RAD51B: variants seen among roughly 807,000 people sequenced by gnomAD.
RAD51B encodes the protein RAD51 paralog B.
Under a neutral mutation model 42.2 loss-of-function variants are expected in RAD51B, and 38 were observed. The observed-to-expected ratio is 0.90, with a 90% CI of 0.70 to 1.18. The LOEUF (loss-of-function observed/expected upper bound fraction) is 1.18, where lower values mean the gene tolerates loss of function less well. RAD51B is among the 50% of genes most tolerant of loss of function. RAD51B has a pLI of 0.00. For missense variants in RAD51B, 373 were observed against 400.7 expected, an observed-to-expected ratio of 0.93 and a Z score of 0.59; for synonymous variants, 154 against 145.2, an observed-to-expected ratio of 1.06 and a Z score of -0.43.
At chr14:67,911,848 T>C (rs2043991526) in intron 7 of RAD51B, among the ~76,000 whole-genome samples, 1 of 152,182 alleles carries the variant, frequency 6.6e-6, no homozygotes, top group South Asian at 2.1e-4. Flanking sequence ...AACTAGATAG[T>C]TTTGTACTGG....
At chr14:68,585,495 C>G (rs1249830872) in intron 10 of RAD51B, among the ~76,000 whole-genome samples, 1 of 152,160 alleles carries the variant, frequency 6.6e-6, no homozygotes, top group Non-Finnish European at 1.5e-5. Flanking sequence ...AATAGCCAAA[C>G]AGGCTCCAAG....
chr14:68,501,078 G>A lies in RAD51B; in HGVS notation c.1036+32828G>A, dbSNP rs78671662. ...CTTGCCATGGTTCATGCTGGGGTGT[G>A]GCCAACATGGCAGCATCTCCCCTGC... On this transcript the variant is annotated intron_variant, in intron 10 of 10. Coordinates refer to the RAD51B transcript ENST00000487270. Among the ~76,000 whole-genome samples, 60 of 152,266 alleles carry A rather than the reference G, an allele frequency of 3.9e-4. 1 individual carries two copies. The East Asian group carries it at 0.012, about 29-fold the overall frequency.
At chr14:68,006,040 C>G (rs2140320899) in intron 7 of RAD51B, among the ~76,000 whole-genome samples, 1 of 152,268 alleles carries the variant, frequency 6.6e-6, no homozygotes, top group African/African-American at 2.4e-5. Context: ...AGGAGAACAG[C>G]ACCAAAGTGA....
intron 7 of RAD51B, among the ~76,000 whole-genome samples, chr14:68,278,419 G>A (rs2081263470): frequency 6.6e-6 from 1 of 152,138 alleles, no homozygotes; most frequent in Non-Finnish European, 1.5e-5. Flanking sequence ...CCTACCTCAT[G>A]GTGTTACGAT....
At position 68,158,492 on chromosome 14, in the gene RAD51B, T is replaced by A. The variant is rs1017972023; in HGVS notation, c.757-133392T>A. Among the ~76,000 whole-genome samples the A allele has an allele frequency of 3.3e-5, 5 of 152,242 alleles. No individual in the cohort carries two copies. The South Asian group carries it at 8.3e-4, about 25-fold the overall frequency. On this transcript the variant is annotated intron_variant, in intron 7 of 10. Transcript: ENST00000471583. ...TCTTCTTTAGGTAAGCTGAACCAAC[T>A]AAAGAGTGGCCTTATGTGAATCTAC...
chr14:68,191,213 T>G (rs2079260055), intron 7 of RAD51B, among the ~76,000 whole-genome samples: 1 of 152,154 alleles, frequency 6.6e-6, no homozygotes, highest in Non-Finnish European at 1.5e-5. Flanking sequence ...AAACCCAACT[T>G]CTGTTGCAGG....
At chr14:68,674,283 T>C (rs1436945494) in intron 11 of RAD51B, among the ~76,000 whole-genome samples, 1 of 152,138 alleles carries the variant, frequency 6.6e-6, no homozygotes, top group Non-Finnish European at 1.5e-5. Context: ...TTTACGTATA[T>C]ACTTACATAT....
chr14:67,946,427 G>C (rs1334011377), intron 7 of RAD51B, among the ~76,000 whole-genome samples: 3 of 152,044 alleles, frequency 2.0e-5, no homozygotes, highest in African/African-American at 7.3e-5. Context: ...GGAGTGCAGT[G>C]GTGCAATCTC....
intron 7 of RAD51B, among the ~76,000 whole-genome samples, chr14:68,157,727 AAACT>A (rs1555365626): frequency 6.6e-6 from 1 of 152,226 alleles, no homozygotes; most frequent in Non-Finnish European, 1.5e-5. Context: ...TGGCAATAAC[AAACT>A]ATTATTTTTT....
At chr14:68,659,644 T>TG (rs754455070) in intron 11 of RAD51B, among the ~76,000 whole-genome samples, 2 of 152,126 alleles carry the variant, frequency 1.3e-5, no homozygotes, top group Non-Finnish European at 2.9e-5. Context: ...AGGGTGTCTT[T>TG]GAAAGGAGAT....
intron 5 of RAD51B, among the ~76,000 whole-genome samples, chr14:67,866,824 A>G (rs1319683286): frequency 8.5e-5 from 13 of 152,134 alleles, no homozygotes; most frequent in Admixed American, 7.2e-4. Flanking sequence ...TTTCTCCTTC[A>G]TATCTTTTTC....
intron 8 of RAD51B, among the ~76,000 whole-genome samples, chr14:68,307,509 G>A (rs1000146982): frequency 1.6e-4 from 25 of 152,252 alleles, no homozygotes; most frequent in African/African-American, 6.0e-4. Flanking sequence ...TTCTGACAAA[G>A]CTGTGCGGCC....
In RAD51B at chr14:68,192,177, C is replaced by G. The variant is rs1225042937; in HGVS notation, c.757-99707C>G. ...GTGAATATAAGGAGTTTTGTTGGTT[C>G]TAATAACTGTAATGTTATTCACTGG... On this transcript the variant is annotated intron_variant, in intron 7 of 10. Transcript: ENST00000471583. 2.6e-5 allele frequency among the ~76,000 whole-genome samples: 4 copies of G among 152,258 alleles called. No homozygotes were observed. In the South Asian group the frequency reaches 8.3e-4, roughly 32 times the overall value.
chr14:68,578,278 G>A (rs948400850), intron 10 of RAD51B, among the ~76,000 whole-genome samples: 5 of 152,138 alleles, frequency 3.3e-5, no homozygotes, highest in African/African-American at 1.2e-4. Flanking sequence ...GGGCGTGGTG[G>A]CATGCACCTG....
intron 8 of RAD51B, among the ~76,000 whole-genome samples, chr14:68,351,901 C>A (rs1054490620): frequency 1.3e-5 from 2 of 152,114 alleles, no homozygotes; most frequent in African/African-American, 4.8e-5. Context: ...GAAGAGGGAC[C>A]CCTGCCAGGA....
At chr14:68,077,940 T>C (rs952676838) in intron 7 of RAD51B, among the ~76,000 whole-genome samples, 5 of 152,294 alleles carry the variant, frequency 3.3e-5, no homozygotes, top group Admixed American at 1.3e-4. Flanking sequence ...TGGGTGACAG[T>C]CAGACTCCAT....
intron 10 of RAD51B, among the ~76,000 whole-genome samples, chr14:68,558,968 T>C (rs1224536831): frequency 6.6e-6 from 1 of 152,152 alleles, no homozygotes; most frequent in East Asian, 1.9e-4. Flanking sequence ...TGTATTCATA[T>C]AGTGTCATAT....
At chr14:68,096,004 A>G (rs1201375538) in intron 7 of RAD51B, among the ~76,000 whole-genome samples, 2 of 150,216 alleles carry the variant, frequency 1.3e-5, no homozygotes, top group African/African-American at 2.4e-5. Context: ...AAAGAAACAG[A>G]CTCAGAAAGG....
At chr14:68,024,219 CA>C (rs955342730) in intron 7 of RAD51B, among the ~76,000 whole-genome samples, 18 of 152,094 alleles carry the variant, frequency 1.2e-4, no homozygotes, top group Admixed American at 4.6e-4. Context: ...ATACCAGTAC[CA>C]TGCTGTTTTG....
Sources: allele counts gnomAD v4.1 joint callset (sites outside exome capture counted in the v4.1 genomes callset), GRCh38; gene constraint gnomAD v4.1.1; transcripts MANE v1.5; gene names NCBI Gene and HGNC (gene_info 2026-07-23, HGNC 2026-07-21).